Variants in RIIAD1 observed in about 807,000 individuals in gnomAD.
The protein encoded by RIIAD1 is regulatory subunit of type II PKA R-subunit domain containing 1.
Under a neutral mutation model 13.3 loss-of-function variants are expected in RIIAD1, and 15 were observed. That is an observed-to-expected ratio of 1.13 (90% CI 0.76 to 1.74). The LOEUF (loss-of-function observed/expected upper bound fraction) is 1.74. RIIAD1 is among the 40% of genes most tolerant of loss of function. The pLI is 0.00. For missense variants in RIIAD1, 121 were observed against 112.2 expected, an observed-to-expected ratio of 1.08 and a Z score of -0.35; for synonymous variants, 50 against 43.3, an observed-to-expected ratio of 1.16 and a Z score of -0.61.
upstream of RIIAD1, chr1:151,716,572 G>T: frequency 2.9e-6 from 1 of 345,090 alleles, no homozygotes. Flanking sequence ...CTTCTGCTGG[G>T]TCCGAAGATC....
At chr1:151,726,095 C>T (rs750726648) in intron 2 of RIIAD1, among the ~76,000 whole-genome samples, 3 of 152,070 alleles carry the variant, frequency 2.0e-5, no homozygotes, top group African/African-American at 2.4e-5. Flanking sequence ...TTGCTGTTTC[C>T]CTGGATCTGG....
At chr1:151,712,217 C>A (rs553143895) in intron 2 of RIIAD1, among the ~76,000 whole-genome samples, 1 of 152,206 alleles carries the variant, frequency 6.6e-6, no homozygotes, top group South Asian at 2.1e-4. Flanking sequence ...AGGTGACAAG[C>A]CCTCCCTCGG....
intron 2 of RIIAD1, among the ~76,000 whole-genome samples, chr1:151,725,107 C>CTTTTTTT (rs71759600): frequency 1.2e-5 from 1 of 84,678 alleles, no homozygotes; most frequent in Non-Finnish European, 2.1e-5. Context: ...CGCACCTCGC[C>CTTTTTTT]TTTTTTTTTT....
At chr1:151,720,131 A>G (rs1021049768), upstream of RIIAD1, among the ~76,000 whole-genome samples, 4 of 152,164 alleles carry the variant, frequency 2.6e-5, no homozygotes. Flanking sequence ...TTTTCATACC[A>G]AGCCTTCAAA....
chr1:151,721,634 C>T lies in RIIAD1; in HGVS notation c.84+14C>T. ...CGAAAATTCAAGGTGGGTGCGCCCG[C>T]GCCCCCATCCAGCGTCCACCAAAGT... On this transcript the variant is annotated intron_variant, in intron 1 of 4. Coordinates refer to ENST00000479191, the MANE Select transcript of RIIAD1 (RefSeq NM_001144956.3). The T allele has an allele frequency of 7.9e-7, 1 of 1,271,890 alleles. No individual in the cohort carries two copies. 78.8% of individuals were successfully genotyped at this position (1,271,890 alleles called of 1,614,324 possible). A position where few individuals can be genotyped will look rare whatever the true frequency, so the allele number is the denominator to read the frequency against.
upstream of RIIAD1, chr1:151,721,416 C>T (rs953420924): frequency 6.4e-6 from 3 of 470,316 alleles, no homozygotes; most frequent in East Asian, 1.1e-4. Flanking sequence ...CCGGAGCTCA[C>T]CCCTCAGTTC....
At chr1:151,717,714 C>G (rs1440476436), upstream of RIIAD1, among the ~76,000 whole-genome samples, 1 of 152,220 alleles carries the variant, frequency 6.6e-6, no homozygotes, top group African/African-American at 2.4e-5. Flanking sequence ...TGCAGAAACC[C>G]AATTACTCTT....
chr1:151,728,173 CAG>C (rs1455022417), intron 3 of RIIAD1, among the ~76,000 whole-genome samples: 1 of 152,210 alleles, frequency 6.6e-6, no homozygotes, highest in Non-Finnish European at 1.5e-5. Context: ...CCATTGCTAA[CAG>C]AATCTCAATA....
At chr1:151,719,787 T>G (rs747174822), upstream of RIIAD1, 8 of 614,092 alleles carry the variant, frequency 1.3e-5, no homozygotes, top group Non-Finnish European at 2.0e-5. Flanking sequence ...GGTCATAGGA[T>G]GTGATCAGTG....
intron 1 of RIIAD1, 83 bp from the exon 2 acceptor site, chr1:151,722,003 G>A: frequency 1.0e-6 from 1 of 974,360 alleles, no homozygotes; most frequent in Non-Finnish European, 1.6e-6. Flanking sequence ...TGCGCACGCC[G>A]TTTCCCGCAG....
chr1:151,724,115 G>T (rs1673786852), intron 2 of RIIAD1, among the ~76,000 whole-genome samples: 1 of 152,202 alleles, frequency 6.6e-6, no homozygotes, highest in African/African-American at 2.4e-5. Flanking sequence ...TGTCAGAGAT[G>T]GCCTTGATTC....
chr1:151,712,080 C>T (rs1673073726), intron 2 of RIIAD1: 1 of 152,418 alleles, frequency 6.6e-6, no homozygotes, highest in Non-Finnish European at 1.5e-5. Flanking sequence ...TGGCCTGGCA[C>T]TTCCTGTGGG....
chr1:151,720,733 G>C (rs1037646366), upstream of RIIAD1, among the ~76,000 whole-genome samples: 3 of 152,142 alleles, frequency 2.0e-5, no homozygotes, highest in African/African-American at 7.2e-5. Flanking sequence ...CGATCTCTGT[G>C]GGGGTAGGAG....
intron 2 of RIIAD1, among the ~76,000 whole-genome samples, chr1:151,723,380 G>A (rs1264134694): frequency 6.8e-6 from 1 of 147,882 alleles, no homozygotes; most frequent in Admixed American, 6.8e-5. Flanking sequence ...GGCAACAAGA[G>A]CAAAACTCCA....
intron 2 of RIIAD1, among the ~76,000 whole-genome samples, chr1:151,712,940 A>C (rs558339138): frequency 2.6e-4 from 39 of 152,098 alleles, no homozygotes; most frequent in Admixed American, 5.2e-4. Context: ...CACACACTGC[A>C]TGCACACACA....
chr1:151,722,315 G>T (rs1673752708), intron 2 of RIIAD1, among the ~76,000 whole-genome samples, 153 bp downstream of exon 2: 1 of 152,230 alleles, frequency 6.6e-6, no homozygotes, highest in South Asian at 2.1e-4. Flanking sequence ...ACACTTGGAA[G>T]AGGGAATTTG....
intron 4 of RIIAD1, chr1:151,716,233 C>G: frequency 2.0e-6 from 1 of 512,656 alleles, no homozygotes. Context: ...TCTAGGCAGA[C>G]GCTGTCATGC....
intron 4 of RIIAD1, chr1:151,715,782 G>A: frequency 1.3e-6 from 2 of 1,592,572 alleles, no homozygotes; most frequent in South Asian, 2.3e-5. Context: ...TTCCACATCA[G>A]CCCTTCCCAG....
At chr1:151,723,933 G>A (rs997627611) in intron 2 of RIIAD1, among the ~76,000 whole-genome samples, 1 of 152,230 alleles carries the variant, frequency 6.6e-6, no homozygotes, top group Non-Finnish European at 1.5e-5. Context: ...AGGGAAATAA[G>A]ATGATATCGT....
Sources: allele counts gnomAD v4.1 joint callset (sites outside exome capture counted in the v4.1 genomes callset), GRCh38; gene constraint gnomAD v4.1.1; transcripts MANE v1.5; gene names NCBI Gene and HGNC (gene_info 2026-07-23, HGNC 2026-07-21).